Variants in HSD17B12 observed in about 807,000 individuals in gnomAD.
HSD17B12 encodes very-long-chain 3-oxoacyl-CoA reductase.
A neutral mutation model predicts 39.3 loss-of-function variants in HSD17B12; 32 were observed. The ratio of observed to expected loss-of-function variants is 0.81; its 90% CI spans 0.61 to 1.09. HSD17B12 has a LOEUF of 1.09. HSD17B12 is among the 50% of genes least tolerant of loss of function. The pLI, the probability that HSD17B12 is intolerant of heterozygous loss-of-function variation, is 0.00. For synonymous variants in HSD17B12, 150 were observed against 146.7 expected (o/e 1.02, Z -0.16); for missense variants, 342 against 382.9 (o/e 0.89, Z 0.89).
intron 8 of HSD17B12, 89 bp downstream of exon 8, chr11:43,838,487 GT>G: frequency 9.8e-7 from 1 of 1,018,468 alleles, no homozygotes; most frequent in Non-Finnish European, 1.5e-6. Context: ...CTTTCCTGAA[GT>G]TCTGTTCTTG....
chr11:43,740,948 C>T (rs1251956916), intron 1 of HSD17B12, among the ~76,000 whole-genome samples: 1 of 152,186 alleles, frequency 6.6e-6, no homozygotes, highest in Non-Finnish European at 1.5e-5. Flanking sequence ...GGATGGCCTC[C>T]CCAGGGTAGT....
At chr11:43,598,769 G>A in the HSD17B12 span, among the ~76,000 whole-genome samples, 211 of 152,276 alleles carry the variant, frequency 1.4e-3, 1 homozygote, top group South Asian at 5.0e-3. Context: ...TCAGAGTGGG[G>A]TATGCGGGTG....
At chr11:43,631,201 G>T in the HSD17B12 span, among the ~76,000 whole-genome samples, 2 of 152,218 alleles carry the variant, frequency 1.3e-5, no homozygotes, top group African/African-American at 4.8e-5. Context: ...GAGACTGAAG[G>T]TTGGTGCATT....
chr11:43,565,989 T>G, the HSD17B12 span, among the ~76,000 whole-genome samples: 1 of 151,694 alleles, frequency 6.6e-6, no homozygotes, highest in Non-Finnish European at 1.5e-5. Flanking sequence ...ACTCCACTTC[T>G]GTCTGTTCTG....
intron 2 of HSD17B12, among the ~76,000 whole-genome samples, chr11:43,752,563 A>C (rs911490445): frequency 6.6e-6 from 1 of 152,092 alleles, no homozygotes; most frequent in Non-Finnish European, 1.5e-5. Context: ...AAAATACAAA[A>C]ATTAGCTGGA....
chr11:43,685,425 G>C (rs1453858220), intron 1 of HSD17B12, among the ~76,000 whole-genome samples: 1 of 152,214 alleles, frequency 6.6e-6, no homozygotes, highest in Non-Finnish European at 1.5e-5. Flanking sequence ...TCTTTAACAA[G>C]AGTTTGTGAT....
the HSD17B12 span, among the ~76,000 whole-genome samples, chr11:43,664,048 T>A: frequency 1.3e-4 from 20 of 151,650 alleles, no homozygotes; most frequent in Non-Finnish European, 2.2e-4. Flanking sequence ...CAGGGTTTCA[T>A]CATATTGGTC....
chr11:43,707,965 G>C (rs1026135248), intron 1 of HSD17B12, among the ~76,000 whole-genome samples: 18 of 152,114 alleles, frequency 1.2e-4, no homozygotes, highest in African/African-American at 4.3e-4. Context: ...ATTTTTCCTG[G>C]TTTGCAGATG....
chr11:43,627,335 T>G, the HSD17B12 span, among the ~76,000 whole-genome samples: 1 of 151,954 alleles, frequency 6.6e-6, no homozygotes, highest in Admixed American at 6.6e-5. Context: ...AGGTAAAAAA[T>G]TTCTAGTGAT....
intron 3 of HSD17B12, among the ~76,000 whole-genome samples, chr11:43,770,789 C>T (rs1449488339): frequency 6.6e-6 from 1 of 152,126 alleles, no homozygotes; most frequent in Non-Finnish European, 1.5e-5. Flanking sequence ...GGCCTCTTAG[C>T]CTTGCAGGAC....
At chr11:43,663,169 G>A in the HSD17B12 span, among the ~76,000 whole-genome samples, 3 of 152,078 alleles carry the variant, frequency 2.0e-5, no homozygotes, top group Admixed American at 1.3e-4. Flanking sequence ...TGCAACCTCC[G>A]CCTCCCTGCA....
chr11:43,721,089 G>A (rs1245409578), intron 1 of HSD17B12, among the ~76,000 whole-genome samples: 1 of 151,788 alleles, frequency 6.6e-6, no homozygotes, highest in Non-Finnish European at 1.5e-5. Context: ...AGGGAATATG[G>A]TGATGAGCAA....
rs1951304671 is a variant in HSD17B12 at position 43,831,039 on chromosome 11, G to A, written c.536+29G>A. 1 of 1,591,422 alleles carries A rather than the reference G, an allele frequency of 6.3e-7. No homozygotes were observed. The highest frequency in any genetic ancestry group is 8.6e-7 in the Non-Finnish European group (1 of 1,166,470). Reference sequence around the variant, plus strand: ...AGTCACAAGCTCACATACAAACACTGTGGAAGCAGAGCTCATGATTATTTA... The same window carrying A: ...AGTCACAAGCTCACATACAAACACTATGGAAGCAGAGCTCATGATTATTTA... On this transcript the variant is annotated intron_variant, in intron 7 of 10. Transcript: ENST00000278353. This position sits in a 1 kb window ranked among gnomAD's most constrained non-coding sequence, Gnocchi z 4.1.
At chr11:43,821,229 T>A (rs1240306860) in intron 6 of HSD17B12, among the ~76,000 whole-genome samples, 1 of 152,218 alleles carries the variant, frequency 6.6e-6, no homozygotes, top group Non-Finnish European at 1.5e-5. Flanking sequence ...CTCACTTCAA[T>A]GGGCTCTCCC....
chr11:43,577,311 G>C, the HSD17B12 span, among the ~76,000 whole-genome samples: 1 of 152,222 alleles, frequency 6.6e-6, no homozygotes, highest in African/African-American at 2.4e-5. Context: ...AGGGATAGTC[G>C]TGACTTCGGT....
the HSD17B12 span, among the ~76,000 whole-genome samples, chr11:43,558,921 G>A: frequency 6.6e-6 from 1 of 152,126 alleles, no homozygotes; most frequent in African/African-American, 2.4e-5. Flanking sequence ...TACAGACATA[G>A]AAATGGGAAG....
intron 1 of HSD17B12, among the ~76,000 whole-genome samples, chr11:43,717,804 CTTTT>C (rs34501307): frequency 3.1e-5 from 4 of 130,174 alleles, no homozygotes; most frequent in Admixed American, 1.6e-4. Flanking sequence ...TCTTCTTCTT[CTTTT>C]TTTTTTTTTT....
intron 6 of HSD17B12, among the ~76,000 whole-genome samples, chr11:43,817,295 G>A (rs1162724149): frequency 1.4e-4 from 21 of 152,064 alleles, no homozygotes; most frequent in Admixed American, 1.4e-3. Flanking sequence ...TCTGTGGGTT[G>A]TCTGTTTACT....
At chr11:43,619,245 A>AAAT in the HSD17B12 span, among the ~76,000 whole-genome samples, 43 of 70,718 alleles carry the variant, frequency 6.1e-4, 1 homozygote, top group South Asian at 8.5e-4. Flanking sequence ...ATATATATAA[A>AAAT]ATATATATAT....
Sources: allele counts gnomAD v4.1 joint callset (sites outside exome capture counted in the v4.1 genomes callset), GRCh38; gene constraint gnomAD v4.1.1; non-coding constraint Gnocchi (gnomAD v3.1); transcripts MANE v1.5; gene names NCBI Gene and HGNC (gene_info 2026-07-23, HGNC 2026-07-21).